Variants in CHN2 observed in about 807,000 individuals in gnomAD.
CHN2 encodes chimerin 2.
In CHN2, 35 loss-of-function variants were observed where a neutral mutation model predicts 56.3. That is an observed-to-expected ratio of 0.62 (90% CI 0.47 to 0.82). The LOEUF (loss-of-function observed/expected upper bound fraction) is 0.82. Ranked by LOEUF, CHN2 falls within the 40% of genes least tolerant of loss-of-function variation. CHN2 has a pLI of 0.00. For synonymous variants in CHN2, 210 were observed against 212.8 expected (o/e 0.99, Z 0.12); for missense variants, 491 against 580.5 (o/e 0.85, Z 1.58).
intron 11 of CHN2, among the ~76,000 whole-genome samples, chr7:29,508,185 G>A (rs1393118176): frequency 1.3e-5 from 2 of 152,082 alleles, no homozygotes; most frequent in East Asian, 3.9e-4. Context: ...TGGGACATCA[G>A]GATTTGCTTT....
intron 2 of CHN2, among the ~76,000 whole-genome samples, chr7:29,174,132 A>AC (rs71527544): frequency 5.7e-4 from 86 of 150,436 alleles, no homozygotes; most frequent in East Asian, 5.3e-3. Context: ...GGCTGGAGAG[A>AC]CCCCCCCGTT....
upstream of CHN2, chr7:29,193,590 T>G (rs1217682072): frequency 6.6e-6 from 1 of 152,202 alleles, no homozygotes; most frequent in Non-Finnish European, 1.5e-5. Context: ...AAGAACCGAT[T>G]AGCCCGCTGG....
rs184657180 is a variant in CHN2 at position 29,334,098 on chromosome 7, C to A, written c.50-20527C>A. On this transcript the variant is annotated intron_variant, in intron 1 of 12. Transcript: ENST00000222792. ...ACTGAGTCTCCCTCCATTGCCCAGG[C>A]TGGAGTGCAGTGGCGCGATCTCGGC... 8.6e-3 allele frequency among the ~76,000 whole-genome samples: 1,224 copies of A among 142,500 alleles called. 18 individuals carry two copies. The highest frequency in any genetic ancestry group is 0.031 in the African/African-American group (1,154 of 37,334). 93.5% of individuals were successfully genotyped at this position (142,500 alleles called of 152,430 possible). A position where few individuals can be genotyped will look rare whatever the true frequency, so the allele number is the denominator to read the frequency against.
intron 2 of CHN2, among the ~76,000 whole-genome samples, chr7:29,148,243 G>T (rs1793049890): frequency 6.6e-6 from 1 of 152,196 alleles, no homozygotes; most frequent in Non-Finnish European, 1.5e-5. Context: ...TAAGTATAAG[G>T]ACAACTACTG....
At position 29,480,309 on chromosome 7, in the gene CHN2, A is replaced by G; in HGVS notation, c.607A>G (p.Thr203Ala). The G allele has an allele frequency of 1.9e-6, 3 of 1,614,200 alleles. No homozygotes were observed. The highest frequency in any genetic ancestry group is 2.5e-6 in the Non-Finnish European group (3 of 1,180,038). Residue 203 changes from threonine (T) to alanine (A), a missense_variant, in exon 7 of 13, where the codon ACA becomes GCA. Transcript: ENST00000222792. The part of the protein sequence containing the change: ...ISSLVRRAAL[T>A]HNDNHFNYEK... ...CTCCCTGGTTCGAAGGGCTGCCCTC[A>G]CACACAACGACAACCACTTCAATTA...
exon 1 of CHN2, chr7:29,146,637 C>T: frequency 1.9e-6 from 3 of 1,550,544 alleles, no homozygotes; most frequent in Non-Finnish European, 8.7e-7. Context: ...ACCTCCTGGT[C>T]CCAGAAACCT....
intron 1 of CHN2, among the ~76,000 whole-genome samples, chr7:29,328,246 CT>C (rs1201030838): frequency 6.6e-6 from 1 of 152,074 alleles, no homozygotes; most frequent in Non-Finnish European, 1.5e-5. Context: ...CAAACACTTC[CT>C]TTTTTAGACA....
chr7:29,490,144 G>A (rs1333527993), intron 7 of CHN2, among the ~76,000 whole-genome samples: 2 of 145,808 alleles, frequency 1.4e-5, no homozygotes, highest in Non-Finnish European at 3.0e-5. Flanking sequence ...CCATTTGCCA[G>A]AAAAGAATGC....
At chr7:29,474,772 A>G (rs992333304) in intron 6 of CHN2, among the ~76,000 whole-genome samples, 9 of 152,244 alleles carry the variant, frequency 5.9e-5, no homozygotes, top group African/African-American at 2.2e-4. Flanking sequence ...CTTAAAATGT[A>G]GCACTGGAAT....
At chr7:29,446,490 T>G (rs1188497552) in intron 6 of CHN2, among the ~76,000 whole-genome samples, 1 of 152,048 alleles carries the variant, frequency 6.6e-6, no homozygotes, top group African/African-American at 2.4e-5. Flanking sequence ...ACAAATGAGG[T>G]TAGCTCTGCG....
chr7:29,373,375 A>G (rs916525718), intron 3 of CHN2, among the ~76,000 whole-genome samples: 1 of 151,774 alleles, frequency 6.6e-6, no homozygotes, highest in African/African-American at 2.4e-5. Flanking sequence ...GGCTTTTACC[A>G]TATTGGCCAG....
chr7:29,314,677 A>AGG (rs1794833691), intron 1 of CHN2, among the ~76,000 whole-genome samples: 1 of 152,200 alleles, frequency 6.6e-6, no homozygotes, highest in South Asian at 2.1e-4. Flanking sequence ...TTCACTGAGC[A>AGG]GGGAGGCAGA....
At position 29,367,919 on chromosome 7, in the gene CHN2, TC is replaced by T; in HGVS notation, c.89-12del. On this transcript the variant is annotated splice_polypyrimidine_tract_variant and intron_variant, in intron 2 of 12. Transcript: ENST00000222792. ...CTAATTATTTCTCTCTCTCTCTCTC[TC>T]TTTTTTGGCAGTATATCAGTTACAG... 1.7e-5 allele frequency: 28 copies of T among 1,606,332 alleles called. No individual in the cohort carries two copies. In the African/African-American group the frequency reaches 2.3e-4, roughly 13 times the overall value.
chr7:29,198,379 C>T (rs1345145577), intron 1 of CHN2, among the ~76,000 whole-genome samples: 1 of 152,224 alleles, frequency 6.6e-6, no homozygotes, highest in East Asian at 1.9e-4. Flanking sequence ...TGTTAAACTA[C>T]ATCGCCCAAA....
chr7:29,352,404 A>G (rs1797954142), intron 1 of CHN2, among the ~76,000 whole-genome samples: 1 of 151,208 alleles, frequency 6.6e-6, no homozygotes. Flanking sequence ...TGAAAAAAAT[A>G]TTTTTGAAGA....
In CHN2 at chr7:29,439,346, A is replaced by G. The variant is rs114229983; in HGVS notation, c.576+38518A>G. The stretch of plus-strand genomic sequence containing the variant: ...TTTGCCTGGTATATAACAACCATTC[A>G]GTAAAATTGTTGAACTGAATTTAAC... On this transcript the variant is annotated intron_variant, in intron 6 of 12. Coordinates refer to ENST00000222792, the MANE Select transcript of CHN2 (RefSeq NM_004067.4). 6.7e-3 allele frequency among the ~76,000 whole-genome samples: 1,015 copies of G among 152,326 alleles called. 13 individuals carry two copies. The highest frequency in any genetic ancestry group is 0.023 in the African/African-American group (954 of 41,560).
rs375140967 is a variant in CHN2 at position 29,412,966 on chromosome 7, C to T, written c.576+12138C>T. On this transcript the variant is annotated intron_variant, in intron 6 of 12. Transcript: ENST00000222792. ...TTGTTCCCTGAATAATTCCCATTGC[C>T]GTTAATGGAAATGAAACTGTCAGGG... 1.2e-4 allele frequency among the ~76,000 whole-genome samples: 18 copies of T among 152,226 alleles called. No homozygotes were observed. The East Asian group carries it at 1.7e-3, about 15-fold the overall frequency.
At chr7:29,490,872 G>A (rs915166729) in intron 7 of CHN2, among the ~76,000 whole-genome samples, 2 of 152,152 alleles carry the variant, frequency 1.3e-5, no homozygotes, top group African/African-American at 4.8e-5. Context: ...ATTCCAAGTG[G>A]TTTTGAAAAG....
chr7:29,264,151 G>T (rs951586847), intron 1 of CHN2, among the ~76,000 whole-genome samples: 1 of 147,242 alleles, frequency 6.8e-6, no homozygotes, highest in Non-Finnish European at 1.5e-5. Flanking sequence ...ACCCCGTCTG[G>T]GAGGTGGGGG....
Sources: gnomAD v4.1 joint callset for allele counts (sites outside exome capture counted in the v4.1 genomes callset) on GRCh38, gnomAD v4.1.1 for gene constraint, MANE v1.5 for transcripts, NCBI Gene and HGNC (gene_info 2026-07-23, HGNC 2026-07-21) for gene names.